Variants in EDIL3 observed in about 807,000 individuals in gnomAD.
The protein encoded by EDIL3 is EGF like and discoidin domains 3.
In EDIL3, 37 loss-of-function variants were observed where a neutral mutation model predicts 67.4. The observed-to-expected ratio is 0.55, with a 90% CI of 0.42 to 0.72. The LOEUF (loss-of-function observed/expected upper bound fraction) is 0.72. Ranked by LOEUF, EDIL3 falls within the 30% of genes least tolerant of loss-of-function variation. The probability of loss-of-function intolerance (pLI) is 0.00; values close to 1 mark genes in which losing one functional copy is unlikely to be tolerated. For missense variants in EDIL3, 527 were observed against 586.3 expected (o/e 0.90, Z 1.04); for synonymous variants, 195 against 196.3 (o/e 0.99, Z 0.05).
chr5:84,087,511 T>G (rs1391015385), intron 6 of EDIL3, among the ~76,000 whole-genome samples: 4 of 152,242 alleles, frequency 2.6e-5, no homozygotes, highest in Non-Finnish European at 1.5e-5. Context: ...TATTAATGCA[T>G]TCAAATATAT....
intron 3 of EDIL3, among the ~76,000 whole-genome samples, chr5:84,195,065 T>C (rs1015739079): frequency 5.9e-5 from 9 of 151,928 alleles, no homozygotes; most frequent in Non-Finnish European, 1.3e-4. Flanking sequence ...GTTTTCATGA[T>C]ACAAGTAAAA....
intron 1 of EDIL3, among the ~76,000 whole-genome samples, chr5:84,269,032 C>A (rs1281052483): frequency 6.6e-6 from 1 of 152,086 alleles, no homozygotes; most frequent in Non-Finnish European, 1.5e-5. Context: ...ACTTTAAACA[C>A]CCTCTTCTTT....
intron 6 of EDIL3, among the ~76,000 whole-genome samples, chr5:84,077,142 T>C (rs1235983520): frequency 1.3e-5 from 2 of 152,246 alleles, no homozygotes; most frequent in East Asian, 1.9e-4. Context: ...ATGACTAGTA[T>C]AGTTTGATGC....
chr5:84,044,591 C>T (rs1224491896), intron 9 of EDIL3, among the ~76,000 whole-genome samples: 3 of 152,080 alleles, frequency 2.0e-5, no homozygotes, highest in African/African-American at 4.8e-5. Context: ...CTGGGTCTGT[C>T]GTCAGAAGAA....
At chr5:84,028,440 G>T (rs1027873932) in intron 9 of EDIL3, among the ~76,000 whole-genome samples, 1 of 152,218 alleles carries the variant, frequency 6.6e-6, no homozygotes, top group Non-Finnish European at 1.5e-5. Context: ...AATCAGACAT[G>T]TAAACTTAAG....
intron 1 of EDIL3, among the ~76,000 whole-genome samples, chr5:84,286,222 AT>A (rs1745803985): frequency 6.6e-6 from 1 of 152,274 alleles, no homozygotes; most frequent in East Asian, 1.9e-4. Context: ...TTGTGATAGC[AT>A]GCATTTTCAC....
chr5:84,361,462 T>C (rs1421122291), intron 1 of EDIL3, among the ~76,000 whole-genome samples: 2 of 152,100 alleles, frequency 1.3e-5, no homozygotes, highest in Non-Finnish European at 1.5e-5. Context: ...GTGCAACCCT[T>C]ACTTCAAAAA....
chr5:84,137,268 C>T lies in EDIL3; in HGVS notation c.442G>A (p.Glu148Lys), dbSNP rs375171867. Residue 148 changes from glutamate (E) to lysine (K), a missense_variant, in exon 5 of 11, where the codon GAA becomes AAA. Glu to Lys is a moderately conservative substitution (Grantham distance 56). This residue lies in a region of EDIL3 where 494 missense variants were observed against 522.5 expected (regional missense o/e 0.95). Coordinates refer to ENST00000296591, the MANE Select transcript of EDIL3 (RefSeq NM_005711.5). Reference protein sequence around the residue: ...VANYSCECPGEFMGRNCQYKC... With the variant: ...VANYSCECPGKFMGRNCQYKC... ...TATTGACAATTTCTTCCCATAAATT[C>T]GCCTGGGCACTCACAGGAATAGTTA... The T allele has an allele frequency of 3.1e-5, 50 of 1,613,110 alleles. No individual in the cohort carries two copies. In the African/African-American group the frequency reaches 4.9e-4, roughly 16 times the overall value.
intron 7 of EDIL3, among the ~76,000 whole-genome samples, chr5:84,065,507 G>A (rs1211840349): frequency 6.6e-6 from 1 of 151,484 alleles, no homozygotes; most frequent in Admixed American, 6.6e-5. Context: ...CATTTAAGGG[G>A]GTAATTTTAA....
chr5:83,980,009 T>C (rs181003009), intron 9 of EDIL3, among the ~76,000 whole-genome samples: 117 of 152,206 alleles, frequency 7.7e-4, no homozygotes, highest in African/African-American at 2.7e-3. Context: ...ACCTAATAGA[T>C]AACATTCTGC....
At chr5:84,148,114 A>G (rs1428893935) in intron 4 of EDIL3, among the ~76,000 whole-genome samples, 1 of 152,172 alleles carries the variant, frequency 6.6e-6, no homozygotes, top group African/African-American at 2.4e-5. Flanking sequence ...TGAGAAAAAT[A>G]TCTTGTAAAC....
chr5:84,053,526 T>A (rs1746381298), intron 9 of EDIL3, among the ~76,000 whole-genome samples: 1 of 152,098 alleles, frequency 6.6e-6, no homozygotes, highest in Non-Finnish European at 1.5e-5. Context: ...AGGAGCTGGT[T>A]TTTTGAAAAG....
chr5:84,169,791 G>A (rs1381583815), intron 4 of EDIL3, among the ~76,000 whole-genome samples: 2 of 151,700 alleles, frequency 1.3e-5, no homozygotes, highest in African/African-American at 4.8e-5. Context: ...CCATTTGCCT[G>A]TTGAAGGACA....
At chr5:84,143,710 G>T (rs1193866500) in intron 4 of EDIL3, among the ~76,000 whole-genome samples, 1 of 151,660 alleles carries the variant, frequency 6.6e-6, no homozygotes, top group Non-Finnish European at 1.5e-5. Context: ...TTATCAAGAG[G>T]GTGTTATGTC....
At chr5:84,367,824 C>T (rs1001132539) in intron 1 of EDIL3, among the ~76,000 whole-genome samples, 2 of 152,064 alleles carry the variant, frequency 1.3e-5, no homozygotes, top group African/African-American at 4.8e-5. Flanking sequence ...AGATAATTTG[C>T]TTGTTTATTT....
intron 1 of EDIL3, among the ~76,000 whole-genome samples, chr5:84,343,492 C>CTAT (rs1747166667): frequency 6.6e-6 from 1 of 151,894 alleles, no homozygotes; most frequent in Non-Finnish European, 1.5e-5. Flanking sequence ...TCTAGTTGAT[C>CTAT]TATTGTAAGA....
At chr5:84,082,536 G>C (rs1746988476) in intron 6 of EDIL3, among the ~76,000 whole-genome samples, 1 of 152,150 alleles carries the variant, frequency 6.6e-6, no homozygotes, top group African/African-American at 2.4e-5. Flanking sequence ...ATACACAATA[G>C]ATATTATCAA....
chr5:84,043,858 C>T (rs764927478), intron 9 of EDIL3, among the ~76,000 whole-genome samples: 11 of 152,060 alleles, frequency 7.2e-5, no homozygotes, highest in African/African-American at 9.7e-5. Context: ...TATTCCAAAG[C>T]GGTTCCTATA....
At chr5:84,026,226 C>T (rs1189387268) in intron 9 of EDIL3, among the ~76,000 whole-genome samples, 1 of 152,150 alleles carries the variant, frequency 6.6e-6, no homozygotes, top group Non-Finnish European at 1.5e-5. Flanking sequence ...TAGGACACCA[C>T]TGTTGGAGAA....
Sources: gnomAD v4.1 joint callset for allele counts (sites outside exome capture counted in the v4.1 genomes callset) on GRCh38, gnomAD v4.1.1 for gene constraint, gnomAD v4.1.1 regional missense constraint, MANE v1.5 for transcripts, NCBI Gene and HGNC (gene_info 2026-07-23, HGNC 2026-07-21) for gene names.